Variants in ERC1 observed in about 807,000 individuals in gnomAD.
ERC1 encodes ELKS/RAB6-interacting/CAST family member 1, also known as RAB6 interacting protein 2.
In ERC1, 56 loss-of-function variants were observed where a neutral mutation model predicts 132.0. The observed-to-expected ratio is 0.42, with a 90% CI of 0.34 to 0.53. The LOEUF (loss-of-function observed/expected upper bound fraction) is 0.53, where lower values mean the gene tolerates loss of function less well. ERC1 is among the 20% of genes least tolerant of loss of function. The probability of loss-of-function intolerance (pLI) is 0.03; values close to 1 mark genes in which losing one functional copy is unlikely to be tolerated. For synonymous variants in ERC1, 478 were observed against 476.1 expected (o/e 1.00, Z -0.05); for missense variants, 1,202 against 1,349.9 (o/e 0.89, Z 1.72).
At chr12:1,394,043 AACCAC>A (rs1566758038) in intron 16 of ERC1, among the ~76,000 whole-genome samples, 9 of 76,774 alleles carry the variant, frequency 1.2e-4, no homozygotes, top group South Asian at 3.3e-4. Context: ...ACAAAAAAAA[AACCAC>A]AAAGCATTAA....
At chr12:1,464,511 C>CT (rs34542821) in intron 18 of ERC1, among the ~76,000 whole-genome samples, 890 of 67,418 alleles carry the variant, frequency 0.013, 64 homozygotes, top group African/African-American at 0.026. Flanking sequence ...ATGCAAAAGC[C>CT]TTTTTTTTTT....
chr12:1,397,545 C>T (rs2090644840), intron 16 of ERC1, among the ~76,000 whole-genome samples: 1 of 151,964 alleles, frequency 6.6e-6, no homozygotes, highest in Non-Finnish European at 1.5e-5. Context: ...AATGAAAAAG[C>T]AAGATGCAGA....
chr12:1,009,201 GTC>G (rs1487962019), intron 1 of ERC1, among the ~76,000 whole-genome samples: 1 of 150,552 alleles, frequency 6.6e-6, no homozygotes, highest in African/African-American at 2.4e-5. Flanking sequence ...TTGAGACAGA[GTC>G]TCTCTCTGTC....
At chr12:1,106,106 A>C (rs927688381) in intron 4 of ERC1, among the ~76,000 whole-genome samples, 1 of 152,222 alleles carries the variant, frequency 6.6e-6, no homozygotes, top group African/African-American at 2.4e-5. Flanking sequence ...CACTTAACCA[A>C]CTGTAAGATA....
At chr12:1,148,413 A>G (rs1427309951) in intron 8 of ERC1, among the ~76,000 whole-genome samples, 2 of 152,018 alleles carry the variant, frequency 1.3e-5, no homozygotes, top group South Asian at 2.1e-4. Context: ...AATCTTGTAT[A>G]TTTTTTCTTT....
chr12:1,183,750 C>T (rs1954749211), intron 11 of ERC1, among the ~76,000 whole-genome samples: 1 of 151,848 alleles, frequency 6.6e-6, no homozygotes, highest in Non-Finnish European at 1.5e-5. Flanking sequence ...TGTGGTAACT[C>T]ATGCCTGTAA....
At chr12:1,279,880 A>G (rs1243694445) in intron 14 of ERC1, among the ~76,000 whole-genome samples, 1 of 151,712 alleles carries the variant, frequency 6.6e-6, no homozygotes, top group East Asian at 1.9e-4. Flanking sequence ...ATTTTTAGTA[A>G]AGACGAGGTT....
intron 1 of ERC1, among the ~76,000 whole-genome samples, chr12:1,009,301 A>G (rs984740992): frequency 1.3e-5 from 2 of 151,828 alleles, no homozygotes; most frequent in Non-Finnish European, 2.9e-5. Flanking sequence ...CAGCCTCCCG[A>G]GTAGCTGGGA....
chr12:1,038,167 G>T (rs117525007), intron 2 of ERC1, among the ~76,000 whole-genome samples: 2 of 152,216 alleles, frequency 1.3e-5, no homozygotes, highest in South Asian at 4.1e-4. Context: ...TGACAGCTGC[G>T]TGGGTGCCCT....
rs1305362108 is a variant in ERC1 at position 1,238,933 on chromosome 12, A to T, written c.2487+2029A>T. Among the ~76,000 whole-genome samples, 5 of 152,186 alleles carry T rather than the reference A, an allele frequency of 3.3e-5. No individual in the cohort carries two copies. The East Asian group carries it at 9.6e-4, about 29-fold the overall frequency. On this transcript the variant is annotated intron_variant, in intron 13 of 18. Coordinates refer to ENST00000360905, the MANE Select transcript of ERC1 (RefSeq NM_178040.4). ...CTGGCTTCCCCAAGGTGTCTAAGTA[A>T]ATGATAGATACCAAAGTTATGAAAA...
intron 17 of ERC1, among the ~76,000 whole-genome samples, chr12:1,435,861 ATATATT>A (rs977031679): frequency 6.6e-6 from 1 of 152,184 alleles, no homozygotes; most frequent in African/African-American, 2.4e-5. Flanking sequence ...ACAGCTACAG[ATATATT>A]TATAGTTTCT....
chr12:1,117,680 T>C (rs981269671), intron 7 of ERC1, among the ~76,000 whole-genome samples: 8 of 152,216 alleles, frequency 5.3e-5, no homozygotes, highest in Non-Finnish European at 1.2e-4. Context: ...AGAATTAAAC[T>C]CGTTTATTTA....
intron 8 of ERC1, among the ~76,000 whole-genome samples, chr12:1,160,888 G>C (rs1264467929): frequency 1.3e-5 from 2 of 152,126 alleles, no homozygotes; most frequent in Non-Finnish European, 2.9e-5. Context: ...GAGCCACTGT[G>C]CCCAGCCTGA....
chr12:997,861 C>G (rs1206617606), intron 1 of ERC1, among the ~76,000 whole-genome samples: 1 of 152,116 alleles, frequency 6.6e-6, no homozygotes, highest in East Asian at 1.9e-4. Context: ...ATTGGAAAGT[C>G]AGCTTTCAGT....
chr12:1,204,528 C>G (rs763905067), intron 12 of ERC1: 4 of 1,588,854 alleles, frequency 2.5e-6, no homozygotes, highest in Non-Finnish European at 2.6e-6. Context: ...TATGCTTGCA[C>G]TAAAACAAAG....
chr12:1,077,096 C>T (rs1664755069), intron 2 of ERC1, among the ~76,000 whole-genome samples: 1 of 152,088 alleles, frequency 6.6e-6, no homozygotes, highest in African/African-American at 2.4e-5. Flanking sequence ...AAAAAATGTT[C>T]TTAATTTAAC....
At chr12:1,202,344 C>T (rs1956987861) in intron 12 of ERC1, among the ~76,000 whole-genome samples, 1 of 152,050 alleles carries the variant, frequency 6.6e-6, no homozygotes, top group Admixed American at 6.6e-5. Context: ...CAGATTTTTT[C>T]TCCTGAAGTT....
At chr12:1,080,277 C>T (rs887585482) in intron 2 of ERC1, among the ~76,000 whole-genome samples, 3 of 152,168 alleles carry the variant, frequency 2.0e-5, no homozygotes, top group African/African-American at 7.2e-5. Context: ...ACAATAACTC[C>T]TCGTTCTGTC....
chr12:1,126,115 T>G (rs1948134293), intron 7 of ERC1, among the ~76,000 whole-genome samples: 1 of 152,214 alleles, frequency 6.6e-6, no homozygotes, highest in Non-Finnish European at 1.5e-5. Context: ...ATGATTGAGA[T>G]AGCAAATTTT....
Sources: allele counts gnomAD v4.1 joint callset (sites outside exome capture counted in the v4.1 genomes callset), GRCh38; gene constraint gnomAD v4.1.1; transcripts MANE v1.5; gene names NCBI Gene and HGNC (gene_info 2026-07-23, HGNC 2026-07-21).